The following CPAP variants were observed in gnomAD, a reference collection of about 807,000 sequenced individuals.
CPAP encodes centrosomal P4.1-associated protein.
chr13:24,925,759 G>C, the CPAP span: 1 of 152,638 alleles, frequency 6.6e-6, no homozygotes, highest in Non-Finnish European at 1.5e-5. Context: ...TAAGCTGAAG[G>C]CAGCTGTTTT....
the CPAP span, chr13:24,923,021 A>C: frequency 1.4e-4 from 22 of 152,332 alleles, no homozygotes; most frequent in African/African-American, 5.3e-4. Flanking sequence ...TCCGACCAGC[A>C]GCGGGCCAGT....
chr13:24,929,901 ATTT>A, the CPAP span, among the ~76,000 whole-genome samples: 34 of 100,918 alleles, frequency 3.4e-4, no homozygotes, highest in African/African-American at 1.1e-3. Flanking sequence ...TCACTTGTGA[ATTT>A]TTTTTTTTTT....
At chr13:24,911,047 A>C in the CPAP span, among the ~76,000 whole-genome samples, 1 of 152,210 alleles carries the variant, frequency 6.6e-6, no homozygotes, top group Non-Finnish European at 1.5e-5. Flanking sequence ...TATATTTCTT[A>C]AAAGAAGCAA....
chr13:24,928,807 A>G, the CPAP span, among the ~76,000 whole-genome samples: 2 of 152,152 alleles, frequency 1.3e-5, no homozygotes, highest in Admixed American at 6.5e-5. Context: ...AGTTAAATCT[A>G]TTGCTGGTGT....
the CPAP span, chr13:24,892,777 T>C: frequency 1.9e-6 from 3 of 1,613,916 alleles, no homozygotes; most frequent in African/African-American, 4.0e-5. Flanking sequence ...AACATTTGTA[T>C]CTGGCTTCTG....
the CPAP span, among the ~76,000 whole-genome samples, chr13:24,897,598 A>G: frequency 4.6e-5 from 7 of 152,366 alleles, no homozygotes; most frequent in African/African-American, 1.7e-4. Flanking sequence ...TATGGCACAT[A>G]TTACAATTCT....
At chr13:24,901,771 C>G in the CPAP span, among the ~76,000 whole-genome samples, 12,143 of 152,228 alleles carry the variant, frequency 0.08, 545 homozygotes, top group East Asian at 0.16. Flanking sequence ...GCAGGGGGAT[C>G]ACTTGAGCCC....
the CPAP span, chr13:24,911,958 A>T: frequency 6.2e-7 from 1 of 1,614,158 alleles, no homozygotes; most frequent in Non-Finnish European, 8.5e-7. Flanking sequence ...GGAAGTGTGC[A>T]CTGCCCAGAC....
At chr13:24,927,133 G>C in the CPAP span, among the ~76,000 whole-genome samples, 1 of 152,150 alleles carries the variant, frequency 6.6e-6, no homozygotes, top group African/African-American at 2.4e-5. Flanking sequence ...GGGAAGAAAA[G>C]CAACTATACA....
chr13:24,887,638 G>A, the CPAP span, among the ~76,000 whole-genome samples: 2 of 151,782 alleles, frequency 1.3e-5, no homozygotes, highest in Non-Finnish European at 2.9e-5. Context: ...ATTATGGTGA[G>A]TTGTATAATT....
the CPAP span, chr13:24,907,098 T>G: frequency 7.4e-6 from 12 of 1,613,274 alleles, no homozygotes; most frequent in African/African-American, 6.7e-5. Flanking sequence ...GACCTTCAGC[T>G]GTTTTTGCTT....
At chr13:24,892,837 C>T in the CPAP span, 1 of 1,612,954 alleles carries the variant, frequency 6.2e-7, no homozygotes, top group Non-Finnish European at 8.5e-7. Context: ...TTCAAATCTT[C>T]CCGTAAATCT....
At chr13:24,884,828 T>C in the CPAP span, among the ~76,000 whole-genome samples, 1 of 152,228 alleles carries the variant, frequency 6.6e-6, no homozygotes, top group African/African-American at 2.4e-5. Context: ...AGATTAGGTA[T>C]TCGAAAAGTA....
At chr13:24,929,310 C>T in the CPAP span, among the ~76,000 whole-genome samples, 21,615 of 152,256 alleles carry the variant, frequency 0.14, 2,035 homozygotes, top group Admixed American at 0.26. Flanking sequence ...AATCCACCTG[C>T]CTCAGCTTCC....
chr13:24,884,400 C>A, the CPAP span: 3 of 1,614,020 alleles, frequency 1.9e-6, no homozygotes, highest in Admixed American at 5.0e-5. Flanking sequence ...TCTGCACTCA[C>A]TTCCTTTCGA....
At chr13:24,892,774 G>C in the CPAP span, 11 of 1,613,262 alleles carry the variant, frequency 6.8e-6, no homozygotes, top group South Asian at 8.8e-5. Flanking sequence ...ACTAACATTT[G>C]TATCTGGCTT....
the CPAP span, chr13:24,906,608 G>A: frequency 1.5e-4 from 235 of 1,614,114 alleles, 1 homozygote; most frequent in East Asian, 4.0e-3. Context: ...TTTCTTCCCC[G>A]TCTGTATTTT....
At chr13:24,915,695 C>T in the CPAP span, among the ~76,000 whole-genome samples, 3 of 152,204 alleles carry the variant, frequency 2.0e-5, no homozygotes, top group Non-Finnish European at 4.4e-5. Context: ...ATCCCAGCTA[C>T]TCAGGAGACA....
chr13:24,883,873 C>A, the CPAP span: 2 of 1,468,076 alleles, frequency 1.4e-6, no homozygotes, highest in Non-Finnish European at 1.9e-6. Flanking sequence ...TGTCACATAT[C>A]ATCAGAAACG....
Sources: allele counts gnomAD v4.1 joint callset (sites outside exome capture counted in the v4.1 genomes callset), GRCh38; gene constraint gnomAD v4.1.1; transcripts MANE v1.5; gene names NCBI Gene and HGNC (gene_info 2026-07-23, HGNC 2026-07-21).